Variants in CDH13 observed in about 807,000 individuals in gnomAD.
CDH13 encodes the protein cadherin 13, also known as cadherin-13.
A neutral mutation model predicts 63.8 loss-of-function variants in CDH13; 24 were observed. The observed-to-expected ratio is 0.38, with a 90% confidence interval of 0.27 to 0.53. CDH13 has a LOEUF of 0.53. Ranked by LOEUF, CDH13 falls within the 20% of genes least tolerant of loss-of-function variation. The pLI is 0.85. For synonymous variants in CDH13, 503 were observed against 355.3 expected, an observed-to-expected ratio of 1.42 and a Z score of -4.67; for missense variants, 1,049 against 903.1, an observed-to-expected ratio of 1.16 and a Z score of -2.07.
intron 6 of CDH13, among the ~76,000 whole-genome samples, chr16:83,369,008 T>C (rs1443770140): frequency 7.5e-5 from 11 of 146,682 alleles, no homozygotes; most frequent in Admixed American, 6.9e-4. Context: ...CAATTGCAAA[T>C]TGTGCTGCTA....
At position 83,217,432 on chromosome 16, in the gene CDH13, A is replaced by T; in HGVS notation, c.571A>T (p.Asn191Tyr). The change falls in exon 5 of 14, where the codon AAT (asparagine) becomes TAT (tyrosine). Residue 191 changes from asparagine to tyrosine, a missense_variant. Transcript: ENST00000567109. ...AGAGCCTAAAGGAATTTTCAGAATC[A>T]ATGAGAACACAGGGAGCGTCTCCGT... is the stretch of plus-strand genomic sequence containing the variant. ...DQEPKGIFRI[N>Y]ENTGSVSVTR... 6.2e-7 allele frequency: 1 copy of T among 1,613,968 alleles called. No individual in the cohort carries two copies. The highest frequency in any genetic ancestry group is 1.1e-5 in the South Asian group (1 of 91,078).
At chr16:83,734,159 C>T (rs1911306703) in intron 10 of CDH13, among the ~76,000 whole-genome samples, 1 of 152,132 alleles carries the variant, frequency 6.6e-6, no homozygotes, top group East Asian at 1.9e-4. Context: ...AAGCAACTTA[C>T]CATGAATCAA....
chr16:82,748,438 C>T (rs2034275351), intron 1 of CDH13, among the ~76,000 whole-genome samples: 1 of 152,128 alleles, frequency 6.6e-6, no homozygotes, highest in Non-Finnish European at 1.5e-5. Flanking sequence ...CTATGGGAAT[C>T]ATCTCTTGGT....
At chr16:82,778,586 A>C (rs901555893) in intron 1 of CDH13, among the ~76,000 whole-genome samples, 4 of 151,660 alleles carry the variant, frequency 2.6e-5, no homozygotes, top group Non-Finnish European at 5.9e-5. Context: ...AAAAAAAAAA[A>C]AAAAAAAGGT....
chr16:83,470,423 C>T (rs2073425018), intron 6 of CDH13, among the ~76,000 whole-genome samples: 1 of 152,164 alleles, frequency 6.6e-6, no homozygotes, highest in South Asian at 2.1e-4. Flanking sequence ...CCTGGCCATC[C>T]CTTTGCATAG....
chr16:82,799,466 C>T (rs1484553679), intron 1 of CDH13, among the ~76,000 whole-genome samples: 1 of 152,204 alleles, frequency 6.6e-6, no homozygotes, highest in Non-Finnish European at 1.5e-5. Context: ...AGCTCATCAG[C>T]TTCTAGAAGC....
intron 4 of CDH13, among the ~76,000 whole-genome samples, chr16:83,210,125 T>G (rs143596525): frequency 0.013 from 2,016 of 151,272 alleles, 45 homozygotes; most frequent in African/African-American, 0.045. Context: ...AGTGCAGTGG[T>G]GTGATCTTGG....
At chr16:83,375,580 A>T (rs143113209) in intron 6 of CDH13, among the ~76,000 whole-genome samples, 2 of 152,202 alleles carry the variant, frequency 1.3e-5, no homozygotes, top group Non-Finnish European at 2.9e-5. Context: ...TGTATGTTGT[A>T]TATTTAGCAA....
At chr16:83,022,689 T>C (rs142401781) in intron 2 of CDH13, among the ~76,000 whole-genome samples, 150 of 152,274 alleles carry the variant, frequency 9.9e-4, no homozygotes, top group African/African-American at 3.5e-3. Flanking sequence ...GTAATTCTGA[T>C]TCATATGCAT....
chr16:82,800,762 T>C (rs1465621812), intron 1 of CDH13, among the ~76,000 whole-genome samples: 2 of 152,220 alleles, frequency 1.3e-5, no homozygotes, highest in African/African-American at 4.8e-5. Flanking sequence ...AAAGGAATAG[T>C]GATCCTGTGC....
At chr16:83,777,265 A>G (rs542614252) in intron 11 of CDH13, among the ~76,000 whole-genome samples, 91 of 152,316 alleles carry the variant, frequency 6.0e-4, no homozygotes, top group African/African-American at 2.1e-3. Flanking sequence ...TGCACTCTGT[A>G]GAATTGGTAC....
intron 1 of CDH13, among the ~76,000 whole-genome samples, chr16:82,642,427 A>G (rs372435278): frequency 6.6e-6 from 1 of 152,230 alleles, no homozygotes; most frequent in African/African-American, 2.4e-5. Context: ...TACAGGGCAT[A>G]ATAAAGAATA....
intron 8 of CDH13, among the ~76,000 whole-genome samples, chr16:83,655,494 T>G (rs1187323156): frequency 6.6e-6 from 1 of 152,158 alleles, no homozygotes. Flanking sequence ...CAAGAGTCTG[T>G]CAGAGAGAAC....
intron 6 of CDH13, among the ~76,000 whole-genome samples, chr16:83,365,445 C>T (rs2091241227): frequency 6.6e-6 from 1 of 152,124 alleles, no homozygotes; most frequent in South Asian, 2.1e-4. Flanking sequence ...TAAGAGTTGC[C>T]CAAGTACCTG....
chr16:83,120,533 G>A (rs576479640), intron 3 of CDH13, among the ~76,000 whole-genome samples: 147 of 152,274 alleles, frequency 9.7e-4, no homozygotes, highest in Middle Eastern at 3.4e-3. Flanking sequence ...CTAGGATGAA[G>A]CCCATTCACC....
intron 8 of CDH13, among the ~76,000 whole-genome samples, chr16:83,616,748 A>T (rs1249467600): frequency 6.6e-6 from 1 of 152,210 alleles, no homozygotes; most frequent in African/African-American, 2.4e-5. Context: ...GTCCAGGTCC[A>T]CACTGCACCT....
intron 4 of CDH13, among the ~76,000 whole-genome samples, chr16:83,166,918 C>T (rs1340577022): frequency 1.3e-5 from 2 of 152,094 alleles, no homozygotes; most frequent in African/African-American, 4.8e-5. Context: ...ACAGCAGTTG[C>T]CTGTTGCACC....
Position 83,297,928 on chromosome 16 carries a change from G to A in CDH13, c.637-46934G>A, listed in dbSNP as rs537467021. ...GTTGGTGAAAATAAGAAAGAAGATG[G>A]AACCCAGCACGGCAGCTCACACTTG... On this transcript the variant is annotated intron_variant, in intron 5 of 13. Coordinates refer to ENST00000567109, the MANE Select transcript of CDH13 (RefSeq NM_001257.5). Among the ~76,000 whole-genome samples the A allele has an allele frequency of 1.3e-3, 200 of 151,702 alleles. 1 individual carries two copies. The highest frequency in any genetic ancestry group is 4.7e-3 in the African/African-American group (193 of 41,366).
chr16:82,998,459 C>T (rs1912493326), intron 2 of CDH13, among the ~76,000 whole-genome samples: 1 of 152,082 alleles, frequency 6.6e-6, no homozygotes, highest in Non-Finnish European at 1.5e-5. Flanking sequence ...TTTTTCTGGA[C>T]AGCCTGTCCT....
Sources: gnomAD v4.1 joint callset for allele counts (sites outside exome capture counted in the v4.1 genomes callset) on GRCh38, gnomAD v4.1.1 for gene constraint, MANE v1.5 for transcripts, NCBI Gene and HGNC (gene_info 2026-07-23, HGNC 2026-07-21) for gene names.